Variants in SGCZ observed in about 807,000 individuals in gnomAD.
SGCZ encodes the protein zeta-sarcoglycan.
SGCZ carries 40 observed loss-of-function variants against 41.3 expected under a neutral mutation model. That is an observed-to-expected ratio of 0.97 (90% CI 0.75 to 1.26). SGCZ has a LOEUF of 1.26. SGCZ is among the 50% of genes most tolerant of loss of function. SGCZ has a pLI of 0.00. For missense variants in SGCZ, 552 were observed against 369.8 expected, an observed-to-expected ratio of 1.49 and a Z score of -4.04; for synonymous variants, 206 against 137.5, an observed-to-expected ratio of 1.50 and a Z score of -3.49.
chr8:14,634,305 T>C (rs998114203), intron 1 of SGCZ, among the ~76,000 whole-genome samples: 10 of 151,884 alleles, frequency 6.6e-5, no homozygotes, highest in African/African-American at 2.4e-4. Context: ...TGTTTAAAAA[T>C]GCAAAATTTT....
chr8:14,845,120 G>C (rs908386982), intron 1 of SGCZ, among the ~76,000 whole-genome samples: 1 of 152,136 alleles, frequency 6.6e-6, no homozygotes, highest in African/African-American at 2.4e-5. Flanking sequence ...CTGAAGGACA[G>C]GGAAAGAACA....
At chr8:14,193,703 A>G (rs1383642867) in intron 4 of SGCZ, among the ~76,000 whole-genome samples, 1 of 152,046 alleles carries the variant, frequency 6.6e-6, no homozygotes, top group African/African-American at 2.4e-5. Context: ...TAGCATAAAG[A>G]TAATATTGAG....
chr8:14,319,283 G>T (rs1041338481), intron 3 of SGCZ, among the ~76,000 whole-genome samples: 1 of 151,888 alleles, frequency 6.6e-6, no homozygotes, highest in African/African-American at 2.4e-5. Flanking sequence ...AAATACCAAG[G>T]TGCCCTTGGA....
intron 1 of SGCZ, among the ~76,000 whole-genome samples, chr8:14,599,283 T>C (rs1469020548): frequency 6.6e-6 from 1 of 152,180 alleles, no homozygotes; most frequent in Non-Finnish European, 1.5e-5. Context: ...GCAATGTCTA[T>C]CATTATAATC....
intron 2 of SGCZ, among the ~76,000 whole-genome samples, chr8:14,465,275 A>C (rs1387231139): frequency 6.6e-6 from 1 of 151,714 alleles, no homozygotes. Flanking sequence ...GTTTATAGTT[A>C]TTAAATATTT....
intron 1 of SGCZ, among the ~76,000 whole-genome samples, chr8:15,213,355 G>C (rs1021871251): frequency 1.3e-5 from 2 of 151,094 alleles, no homozygotes; most frequent in Non-Finnish European, 1.5e-5. Context: ...TTTTCCCTTT[G>C]GGTAATTATA....
At chr8:15,090,417 C>T (rs1162799244) in intron 1 of SGCZ, among the ~76,000 whole-genome samples, 1 of 152,086 alleles carries the variant, frequency 6.6e-6, no homozygotes, top group Non-Finnish European at 1.5e-5. Flanking sequence ...CTGGCAACAC[C>T]CCTGGGTGTG....
chr8:15,095,810 G>C (rs771856586), intron 1 of SGCZ, among the ~76,000 whole-genome samples: 5 of 152,080 alleles, frequency 3.3e-5, no homozygotes, highest in Non-Finnish European at 7.3e-5. Context: ...CAAACAAAAT[G>C]CATCTTTATT....
chr8:14,993,653 G>A (rs1293634150), intron 1 of SGCZ, among the ~76,000 whole-genome samples: 2 of 152,152 alleles, frequency 1.3e-5, no homozygotes, highest in Admixed American at 1.3e-4. Flanking sequence ...AAGGGAGAGA[G>A]AATTCTAGCC....
chr8:15,142,483 G>A (rs182321574), intron 1 of SGCZ, among the ~76,000 whole-genome samples: 2 of 152,078 alleles, frequency 1.3e-5, no homozygotes, highest in Non-Finnish European at 2.9e-5. Context: ...AAGATGTGAA[G>A]CTAAAGTAGA....
At chr8:14,657,517 A>G (rs1807614813) in intron 1 of SGCZ, among the ~76,000 whole-genome samples, 1 of 152,168 alleles carries the variant, frequency 6.6e-6, no homozygotes, top group Admixed American at 6.5e-5. Flanking sequence ...AAGCAAAGAA[A>G]AAAATCATTT....
chr8:14,979,324 T>C (rs752534036), intron 1 of SGCZ, among the ~76,000 whole-genome samples: 6 of 152,190 alleles, frequency 3.9e-5, no homozygotes, highest in African/African-American at 7.2e-5. Context: ...GTTTTTGGAA[T>C]TGCTAAATTT....
chr8:14,525,752 G>A (rs941998093), intron 2 of SGCZ, among the ~76,000 whole-genome samples: 1 of 152,098 alleles, frequency 6.6e-6, no homozygotes, highest in Non-Finnish European at 1.5e-5. Context: ...ATCAATCACT[G>A]TTAAATTACA....
At chr8:15,000,443 T>C (rs1253445763) in intron 1 of SGCZ, among the ~76,000 whole-genome samples, 1 of 152,194 alleles carries the variant, frequency 6.6e-6, no homozygotes, top group Admixed American at 6.5e-5. Context: ...AAGGCCTTCC[T>C]CTTTAATGAA....
chr8:14,336,847 A>G (rs1426993), intron 2 of SGCZ, among the ~76,000 whole-genome samples: 111,373 of 151,998 alleles, frequency 0.73, 41,090 homozygotes, highest in South Asian at 0.88. Context: ...AAGAATTACT[A>G]TCATCTCTAT....
intron 1 of SGCZ, among the ~76,000 whole-genome samples, chr8:14,821,323 A>G (rs1159585780): frequency 2.0e-5 from 3 of 152,046 alleles, no homozygotes; most frequent in Admixed American, 6.5e-5. Flanking sequence ...TGAGTCAGTA[A>G]TAAAAATTCT....
intron 1 of SGCZ, among the ~76,000 whole-genome samples, chr8:14,689,556 G>A (rs535286486): frequency 2.0e-5 from 3 of 152,200 alleles, no homozygotes; most frequent in African/African-American, 7.2e-5. Context: ...AAGGGCTTTT[G>A]TTATTACTAA....
chr8:15,128,314 T>C (rs910666240), intron 1 of SGCZ, among the ~76,000 whole-genome samples: 1 of 152,234 alleles, frequency 6.6e-6, no homozygotes, highest in Non-Finnish European at 1.5e-5. Context: ...ACTCACCTTA[T>C]AAGCTTTGAG....
At chr8:14,480,593 C>CA (rs60386659) in intron 2 of SGCZ, among the ~76,000 whole-genome samples, 64,694 of 151,864 alleles carry the variant, frequency 0.43, 14,156 homozygotes, top group East Asian at 0.67. Flanking sequence ...TAATCATTCT[C>CA]ATCATGCTGA....
Sources: gnomAD v4.1 joint callset for allele counts (sites outside exome capture counted in the v4.1 genomes callset) on GRCh38, gnomAD v4.1.1 for gene constraint, MANE v1.5 for transcripts, NCBI Gene and HGNC (gene_info 2026-07-23, HGNC 2026-07-21) for gene names.